The following SNX4 variants were observed in gnomAD, a reference collection of about 807,000 sequenced individuals.
SNX4 encodes the protein sorting nexin 4.
A neutral mutation model predicts 70.8 loss-of-function variants in SNX4; 49 were observed. That is an observed-to-expected ratio of 0.69 (90% confidence interval 0.55 to 0.88). The LOEUF (loss-of-function observed/expected upper bound fraction) is 0.88. SNX4 is among the 40% of genes least tolerant of loss of function. SNX4 has a pLI of 0.00. For missense variants in SNX4, 528 were observed against 544.8 expected (o/e 0.97, Z 0.31); for synonymous variants, 206 against 183.8 (o/e 1.12, Z -0.98).
chr3:125,496,604 A>G lies in SNX4; in HGVS notation c.597+737T>C, dbSNP rs752847153. ...CTTACCTATTCAGTTTACACCAGAG[A>G]TGAAAACTTTAAAAAGTTTGTAATA... On this transcript the variant is annotated intron_variant, in intron 5 of 13. Transcript: ENST00000251775. Among the ~76,000 whole-genome samples, 75 of 152,192 alleles carry G rather than the reference A, an allele frequency of 4.9e-4. 1 individual carries two copies. Among genetic ancestry groups the G allele is most frequent in the Non-Finnish European group, 1.6e-4 (11 of 68,010 alleles).
At chr3:125,503,440 G>T (rs890282278) in intron 2 of SNX4, among the ~76,000 whole-genome samples, 8 of 151,906 alleles carry the variant, frequency 5.3e-5, no homozygotes, top group Admixed American at 2.6e-4. Flanking sequence ...AACTTTTCTG[G>T]TGAGTTTTTA....
At chr3:125,471,420 A>AATT (rs574416758) in intron 8 of SNX4, among the ~76,000 whole-genome samples, 44 of 151,212 alleles carry the variant, frequency 2.9e-4, no homozygotes, top group Non-Finnish European at 5.8e-4. Context: ...AAAATTATAG[A>AATT]ATTATTAAAC....
intron 12 of SNX4, among the ~76,000 whole-genome samples, chr3:125,452,463 T>C (rs918841991): frequency 3.9e-5 from 6 of 152,034 alleles, no homozygotes; most frequent in Non-Finnish European, 5.9e-5. Context: ...TAGCCGGTAG[T>C]CCCAGTGATT....
intron 10 of SNX4, among the ~76,000 whole-genome samples, chr3:125,458,399 G>T (rs765427736): frequency 2.6e-4 from 39 of 152,148 alleles, no homozygotes; most frequent in Non-Finnish European, 4.4e-4. Flanking sequence ...AAACTCATGG[G>T]CTCAAGCAAT....
At chr3:125,492,310 T>C (rs1420936157) in intron 5 of SNX4, among the ~76,000 whole-genome samples, 2 of 152,126 alleles carry the variant, frequency 1.3e-5, no homozygotes, top group Non-Finnish European at 2.9e-5. Flanking sequence ...GTGACTTCAC[T>C]GCAGGTTTCT....
At chr3:125,497,717 CA>C in intron 4 of SNX4, 116 bp downstream of exon 4, 1 of 728,778 alleles carries the variant, frequency 1.4e-6, no homozygotes, top group Non-Finnish European at 2.1e-6. Context: ...AAATTCATAA[CA>C]AAAAATAAAT....
At chr3:125,515,035 G>A (rs77909401) in intron 1 of SNX4, among the ~76,000 whole-genome samples, 7,313 of 152,200 alleles carry the variant, frequency 0.048, 409 homozygotes, top group African/African-American at 0.13. Context: ...GCTAAGTATT[G>A]TTTCCTGAAA....
At chr3:125,468,071 AGATGCAGCAATAAG>A (rs1934077449) in intron 9 of SNX4, among the ~76,000 whole-genome samples, 1 of 152,116 alleles carries the variant, frequency 6.6e-6, no homozygotes, top group Non-Finnish European at 1.5e-5. Context: ...GTAAGAGAAT[AGATGCAGCAATAAG>A]GATGCAGCAA....
intron 1 of SNX4, among the ~76,000 whole-genome samples, chr3:125,511,021 C>T (rs546586394): frequency 5.9e-5 from 9 of 152,276 alleles, no homozygotes; most frequent in African/African-American, 1.4e-4. Flanking sequence ...TGGGCTCAGG[C>T]GATTCTCCTC....
At chr3:125,484,439 G>C (rs1157867636) in intron 6 of SNX4, among the ~76,000 whole-genome samples, 4 of 152,098 alleles carry the variant, frequency 2.6e-5, no homozygotes, top group Admixed American at 6.5e-5. Flanking sequence ...ACTTTTAGTA[G>C]AGACGGGGTT....
intron 1 of SNX4, among the ~76,000 whole-genome samples, chr3:125,516,619 T>A (rs1935290072): frequency 6.6e-6 from 1 of 152,160 alleles, no homozygotes; most frequent in Non-Finnish European, 1.5e-5. Context: ...GGTGGGTGGA[T>A]CACTTGAGGT....
intron 1 of SNX4, among the ~76,000 whole-genome samples, chr3:125,518,271 C>A (rs992326255): frequency 1.3e-5 from 2 of 151,878 alleles, no homozygotes; most frequent in Non-Finnish European, 2.9e-5. Context: ...CAAGTCTGGG[C>A]AACACAGAGA....
intron 5 of SNX4, among the ~76,000 whole-genome samples, chr3:125,490,524 CAAAAAAAAAAAA>C (rs1173858739): frequency 6.1e-5 from 3 of 48,898 alleles, no homozygotes; most frequent in African/African-American, 2.2e-4. Flanking sequence ...ACTCTGTCTC[CAAAAAAAAAAAA>C]AAAAAAAAAG....
chr3:125,520,053 T>C lies in SNX4; in HGVS notation c.120A>G (p.Glu40=). 1.3e-6 allele frequency: 2 copies of C among 1,555,948 alleles called. No homozygotes were observed. Among genetic ancestry groups the C allele is most frequent in the Admixed American group, 1.8e-5 (1 of 54,750 alleles). The change falls in exon 1 of 14, where the codon GAA becomes GAG. Residue 40 remains glutamate (E), a synonymous_variant. Coordinates refer to ENST00000251775, the MANE Select transcript of SNX4 (RefSeq NM_003794.4). ...AVGKEAEGAG[E]ESSGVDTMTH... is the part of the protein sequence containing the mutation. The stretch of plus-strand genomic sequence containing the variant: ...TCACCGTGTCGACCCCAGAGCTCTC[T>C]TCTCCGGCCCCCTCCGCTTCCTTGC...
intron 9 of SNX4, among the ~76,000 whole-genome samples, chr3:125,463,601 C>T (rs1342733690): frequency 1.3e-5 from 2 of 152,174 alleles, no homozygotes; most frequent in Non-Finnish European, 2.9e-5. Flanking sequence ...TGGTTTGGAA[C>T]ATGGCCTAAG....
At chr3:125,494,795 C>G (rs1224536954) in intron 5 of SNX4, among the ~76,000 whole-genome samples, 1 of 152,058 alleles carries the variant, frequency 6.6e-6, no homozygotes, top group Non-Finnish European at 1.5e-5. Flanking sequence ...CTCCAGTTAA[C>G]CATTACAAAC....
At chr3:125,486,671 C>G (rs541269438) in intron 6 of SNX4, among the ~76,000 whole-genome samples, 23 of 152,156 alleles carry the variant, frequency 1.5e-4, no homozygotes, top group Non-Finnish European at 2.9e-4. Context: ...AGTTTACCAC[C>G]TAGATTTTGA....
At chr3:125,498,659 C>T (rs1934863596) in intron 2 of SNX4, among the ~76,000 whole-genome samples, 1 of 152,158 alleles carries the variant, frequency 6.6e-6, no homozygotes, top group Admixed American at 6.6e-5. Context: ...GACACAGCTG[C>T]ACAGTATATG....
At chr3:125,491,501 C>T (rs912470381) in intron 5 of SNX4, among the ~76,000 whole-genome samples, 1 of 152,102 alleles carries the variant, frequency 6.6e-6, no homozygotes, top group Non-Finnish European at 1.5e-5. Flanking sequence ...AAAGGGTCAC[C>T]ATTCTAACCT....
Sources: allele counts gnomAD v4.1 joint callset (sites outside exome capture counted in the v4.1 genomes callset), GRCh38; gene constraint gnomAD v4.1.1; transcripts MANE v1.5; gene names NCBI Gene and HGNC (gene_info 2026-07-23, HGNC 2026-07-21).